PANK2: variants seen among roughly 807,000 people sequenced by gnomAD.
PANK2 encodes the protein pantothenate kinase 2, mitochondrial.
PANK2 carries 36 observed loss-of-function variants against 43.1 expected under a neutral mutation model. The observed-to-expected ratio is 0.84, with a 90% confidence interval of 0.64 to 1.10. The LOEUF is 1.10. PANK2 is among the 50% of genes least tolerant of loss of function. The pLI is 0.00. For synonymous variants in PANK2, 281 were observed against 238.2 expected (o/e 1.18, Z -1.66); for missense variants, 576 against 593.3 (o/e 0.97, Z 0.30).
chr20:3,905,929 T>C (rs1334424700), intron 1 of PANK2, among the ~76,000 whole-genome samples: 1 of 151,334 alleles, frequency 6.6e-6, no homozygotes, highest in African/African-American at 2.4e-5. Context: ...TTGGCCAGGC[T>C]GGTCTTGAAC....
intron 1 of PANK2, among the ~76,000 whole-genome samples, chr20:3,897,782 G>A (rs73084531): frequency 0.12 from 17,771 of 152,166 alleles, 1,383 homozygotes; most frequent in Non-Finnish European, 0.17. Context: ...CGAGGTGGGC[G>A]AATTAGTTGA....
intron 1 of PANK2, among the ~76,000 whole-genome samples, chr20:3,905,913 A>ACG (rs888229366): frequency 2.6e-5 from 4 of 151,156 alleles, no homozygotes; most frequent in Non-Finnish European, 4.4e-5. Flanking sequence ...TGGGGGTTTC[A>ACG]CCATGTTGGC....
upstream of PANK2, chr20:3,888,929 G>A (rs570492356): frequency 3.4e-6 from 2 of 583,480 alleles, no homozygotes; most frequent in East Asian, 2.9e-5. Context: ...AAGCCCTTTC[G>A]TCTGCCGACG....
chr20:3,905,284 G>C (rs548577276), intron 1 of PANK2, among the ~76,000 whole-genome samples: 2 of 151,576 alleles, frequency 1.3e-5, no homozygotes, highest in South Asian at 4.2e-4. Context: ...AGTTTTAATA[G>C]CATTCCTCTT....
chr20:3,922,942 TACC>T (rs1297778494), intron 6 of PANK2, among the ~76,000 whole-genome samples: 1 of 152,188 alleles, frequency 6.6e-6, no homozygotes, highest in Non-Finnish European at 1.5e-5. Context: ...TTCTGTCTCT[TACC>T]AGAGGTAACT....
upstream of PANK2, chr20:3,889,079 G>A (rs199787176): frequency 1.2e-5 from 19 of 1,520,436 alleles, no homozygotes; most frequent in African/African-American, 4.1e-5. Flanking sequence ...ATGCACAAGT[G>A]GGGGGCGGAA....
chr20:3,895,509 T>TC (rs1181719398), intron 1 of PANK2, among the ~76,000 whole-genome samples: 1 of 150,982 alleles, frequency 6.6e-6, no homozygotes, highest in Non-Finnish European at 1.5e-5. Flanking sequence ...TTTTTTTTTT[T>TC]CTCAAAACAT....
At chr20:3,906,384 G>A (rs1041624442) in intron 1 of PANK2, among the ~76,000 whole-genome samples, 8 of 152,072 alleles carry the variant, frequency 5.3e-5, no homozygotes, top group Admixed American at 3.9e-4. Context: ...AGATTGTGGC[G>A]TTGCATTCTA....
rs199905730 is a variant in PANK2 at position 3,916,906 on chromosome 20, AT to A, written c.1083-13del. ...TTGTTGCTGTTGGTTTAGCAATGGG[AT>A]TTTTTTTCCCCCATCACAGCTTTGG... On this transcript the variant is annotated intron_variant, in intron 4 of 6. Transcript: ENST00000610179. 34 of 1,573,684 alleles carry A rather than the reference AT, an allele frequency of 2.2e-5. 2 individuals carry two copies. In the Middle Eastern group the frequency reaches 2.5e-3, roughly 118 times the overall value.
chr20:3,898,313 C>G lies in PANK2; in HGVS notation c.298+8585C>G, dbSNP rs143697699. 4.0e-4 allele frequency among the ~76,000 whole-genome samples: 61 copies of G among 152,170 alleles called. 1 individual carries two copies. The highest frequency in any genetic ancestry group is 1.4e-3 in the African/African-American group (59 of 41,576). ...CTCCCGGGTTCAAGCAATTCTCCTG[C>G]CTCAGCCTCCTGATTATCTGGGATT... is the stretch of plus-strand genomic sequence containing the variant. On this transcript the variant is annotated intron_variant, in intron 1 of 6. Transcript: ENST00000610179.
At chr20:3,913,790 AT>A (rs57042549) in intron 4 of PANK2, among the ~76,000 whole-genome samples, 118 of 138,472 alleles carry the variant, frequency 8.5e-4, no homozygotes, top group South Asian at 2.3e-3. Context: ...ATATATATAT[AT>A]TTTTTTTTTT....
intron 1 of PANK2, among the ~76,000 whole-genome samples, chr20:3,890,255 C>T (rs1446714649): frequency 6.6e-6 from 1 of 152,206 alleles, no homozygotes; most frequent in Admixed American, 6.5e-5. Context: ...GGCTGCCCTT[C>T]TTCTCGTGAG....
chr20:3,888,941 C>A, upstream of PANK2: 2 of 569,372 alleles, frequency 3.5e-6, no homozygotes, highest in Non-Finnish European at 3.0e-6. Flanking sequence ...CTGCCGACGA[C>A]CAGCGGCCAG....
intron 1 of PANK2, among the ~76,000 whole-genome samples, chr20:3,898,345 GCC>G (rs1158217014): frequency 6.6e-6 from 1 of 151,950 alleles, no homozygotes; most frequent in Non-Finnish European, 1.5e-5. Flanking sequence ...GATTACAGGC[GCC>G]CACCACCATG....
chr20:3,916,238 C>T (rs377125202), intron 4 of PANK2, among the ~76,000 whole-genome samples: 5 of 152,136 alleles, frequency 3.3e-5, no homozygotes, highest in Admixed American at 2.6e-4. Context: ...ATTTTGAGAT[C>T]GTTTAGAAGT....
At chr20:3,891,004 A>G (rs755941821) in intron 1 of PANK2, among the ~76,000 whole-genome samples, 1 of 152,196 alleles carries the variant, frequency 6.6e-6, no homozygotes, top group African/African-American at 2.4e-5. Context: ...CCAAAGATTC[A>G]GCAAATAAGA....
At chr20:3,899,447 A>G (rs1209273837) in intron 1 of PANK2, among the ~76,000 whole-genome samples, 1 of 151,086 alleles carries the variant, frequency 6.6e-6, no homozygotes, top group African/African-American at 2.4e-5. Context: ...CTGGGATTAC[A>G]GATGTGAGCC....
At chr20:3,903,784 C>T (rs532588578) in intron 1 of PANK2, among the ~76,000 whole-genome samples, 25 of 151,958 alleles carry the variant, frequency 1.6e-4, no homozygotes, top group African/African-American at 5.3e-4. Flanking sequence ...TGTGCCACCA[C>T]GCCCGGCTAA....
chr20:3,912,396 T>A (rs1310029616), intron 3 of PANK2, 62 bp from the exon 4 acceptor site: 1 of 1,567,120 alleles, frequency 6.4e-7, no homozygotes, highest in Non-Finnish European at 8.8e-7. Context: ...TTCATAAATG[T>A]TAACTTCTTG....
Sources: gnomAD v4.1 joint callset for allele counts (sites outside exome capture counted in the v4.1 genomes callset) on GRCh38, gnomAD v4.1.1 for gene constraint, MANE v1.5 for transcripts, NCBI Gene and HGNC (gene_info 2026-07-23, HGNC 2026-07-21) for gene names.